ADAM10: variants seen among roughly 807,000 people sequenced by gnomAD.
ADAM10 encodes the protein disintegrin and metalloproteinase domain-containing protein 10.
Under a neutral mutation model 90.1 loss-of-function variants are expected in ADAM10, and 17 were observed. That is an observed-to-expected ratio of 0.19 (90% CI 0.13 to 0.28). ADAM10 has a LOEUF of 0.28. ADAM10 is among the 10% of genes least tolerant of loss of function. The pLI, the probability that ADAM10 is intolerant of heterozygous loss-of-function variation, is 1.00. For synonymous variants in ADAM10, 310 were observed against 298.6 expected (o/e 1.04, Z -0.40); for missense variants, 610 against 914.3 (o/e 0.67, Z 4.29).
At chr15:58,682,756 G>A (rs28637832) in intron 2 of ADAM10, among the ~76,000 whole-genome samples, 4 of 151,868 alleles carry the variant, frequency 2.6e-5, no homozygotes, top group African/African-American at 4.8e-5. Context: ...GCATCTATAT[G>A]GGGTATTTAA....
chr15:58,748,969 C>T (rs1007292315), intron 1 of ADAM10: 2 of 399,018 alleles, frequency 5.0e-6, no homozygotes, highest in Admixed American at 4.4e-5. Context: ...AACAACACAA[C>T]TTCCCACGAG....
At chr15:58,653,575 T>C (rs1027561932) in intron 5 of ADAM10, among the ~76,000 whole-genome samples, 6 of 152,204 alleles carry the variant, frequency 3.9e-5, no homozygotes, top group Non-Finnish European at 8.8e-5. Context: ...CACTTAGTCA[T>C]GATGAATGAT....
chr15:58,626,787 G>A (rs1465217697), intron 10 of ADAM10, among the ~76,000 whole-genome samples: 1 of 152,114 alleles, frequency 6.6e-6, no homozygotes, highest in Non-Finnish European at 1.5e-5. Flanking sequence ...GTGGATTAGA[G>A]GTTACCAGGG....
chr15:58,700,911 G>A (rs2140789476), intron 2 of ADAM10, among the ~76,000 whole-genome samples: 1 of 151,112 alleles, frequency 6.6e-6, no homozygotes, highest in Admixed American at 6.6e-5. Flanking sequence ...AGGCTGAGGT[G>A]GAAGGACTGC....
intron 2 of ADAM10, among the ~76,000 whole-genome samples, chr15:58,688,828 CT>C (rs1897689230): frequency 7.2e-6 from 1 of 139,682 alleles, no homozygotes; most frequent in African/African-American, 2.8e-5. Flanking sequence ...AGATGAGATA[CT>C]GCAAGAAAGA....
At chr15:58,613,254 C>G (rs781567344) in intron 11 of ADAM10, among the ~76,000 whole-genome samples, 50 of 152,164 alleles carry the variant, frequency 3.3e-4, no homozygotes, top group Non-Finnish European at 4.9e-4. Flanking sequence ...GAAAAAGAAG[C>G]ACCACACCCT....
At chr15:58,649,481 T>A (rs1298493044) in intron 5 of ADAM10, among the ~76,000 whole-genome samples, 1 of 152,202 alleles carries the variant, frequency 6.6e-6, no homozygotes, top group Non-Finnish European at 1.5e-5. Context: ...CGCAATCTTT[T>A]CAACAGGAAA....
At chr15:58,697,822 C>T (rs1297771251) in intron 2 of ADAM10, among the ~76,000 whole-genome samples, 4 of 152,162 alleles carry the variant, frequency 2.6e-5, no homozygotes, top group Non-Finnish European at 4.4e-5. Context: ...AAGGACAGGC[C>T]CACTTGGTGA....
intron 10 of ADAM10, among the ~76,000 whole-genome samples, chr15:58,627,179 G>A (rs1372056886): frequency 6.6e-6 from 1 of 152,054 alleles, no homozygotes; most frequent in Non-Finnish European, 1.5e-5. Context: ...CCACAGAAGG[G>A]TATAAACTGT....
At chr15:58,728,648 CCTA>C (rs1899121706) in intron 1 of ADAM10, among the ~76,000 whole-genome samples, 2 of 151,978 alleles carry the variant, frequency 1.3e-5, no homozygotes, top group African/African-American at 4.8e-5. Context: ...TTCTGGCCTT[CCTA>C]CTTTTTCCCT....
At chr15:58,638,526 A>C (rs1179311674) in intron 8 of ADAM10, among the ~76,000 whole-genome samples, 11 of 151,174 alleles carry the variant, frequency 7.3e-5, no homozygotes, top group Non-Finnish European at 1.2e-4. Context: ...GAGGCAGGAG[A>C]ATGGCGTGAA....
intron 6 of ADAM10, 144 bp from the exon 7 acceptor site, chr15:58,644,122 TAAA>T: frequency 1.5e-6 from 1 of 661,364 alleles, no homozygotes; most frequent in Admixed American, 2.6e-5. Context: ...GACATAAATA[TAAA>T]AAAGATTAGT....
Position 58,642,097 on chromosome 15 carries a change from T to C in ADAM10, c.829-1137A>G, listed in dbSNP as rs140016007. On this transcript the variant is annotated intron_variant, in intron 7 of 15. Transcript: ENST00000260408. ...TACAGATAGTCCATGCTTGAAGACA[T>C]GCTGTAGATGGCTTTCTCCCACTAA... Among the ~76,000 whole-genome samples the C allele has an allele frequency of 1.5e-3, 228 of 152,348 alleles. 1 individual carries two copies. The highest frequency in any genetic ancestry group is 5.1e-3 in the African/African-American group (211 of 41,584).
At chr15:58,622,207 C>T (rs1895806945) in intron 10 of ADAM10, among the ~76,000 whole-genome samples, 1 of 152,086 alleles carries the variant, frequency 6.6e-6, no homozygotes, top group South Asian at 2.1e-4. Flanking sequence ...ATCACTATGA[C>T]ATAAAGTTTT....
intron 1 of ADAM10, chr15:58,748,734 C>T (rs1422118998): frequency 1.0e-5 from 4 of 392,600 alleles, no homozygotes; most frequent in African/African-American, 4.1e-5. Context: ...AATGGTTTAC[C>T]CTTCTCCCGA....
At chr15:58,671,554 G>A (rs1897192049) in intron 4 of ADAM10, among the ~76,000 whole-genome samples, 1 of 152,128 alleles carries the variant, frequency 6.6e-6, no homozygotes, top group Non-Finnish European at 1.5e-5. Context: ...ATTTCTTCTA[G>A]TTTTTCTGTA....
At chr15:58,736,758 T>C (rs1412698768) in intron 1 of ADAM10, among the ~76,000 whole-genome samples, 1 of 152,032 alleles carries the variant, frequency 6.6e-6, no homozygotes, top group East Asian at 1.9e-4. Context: ...AAACACAGTA[T>C]ATCGAAAAAA....
chr15:58,722,143 C>A (rs1327715593), intron 1 of ADAM10, among the ~76,000 whole-genome samples: 1 of 151,244 alleles, frequency 6.6e-6, no homozygotes. Context: ...AGTTCAAGGC[C>A]AGCCTGGCCA....
At chr15:58,735,854 A>G (rs1334139909) in intron 1 of ADAM10, among the ~76,000 whole-genome samples, 2 of 152,210 alleles carry the variant, frequency 1.3e-5, no homozygotes, top group Non-Finnish European at 1.5e-5. Context: ...TTACATATAT[A>G]TTTATCTATG....
Sources: gnomAD v4.1 joint callset for allele counts (sites outside exome capture counted in the v4.1 genomes callset) on GRCh38, gnomAD v4.1.1 for gene constraint, MANE v1.5 for transcripts, NCBI Gene and HGNC (gene_info 2026-07-23, HGNC 2026-07-21) for gene names.